CDH13: variants seen among roughly 807,000 people sequenced by gnomAD.
CDH13 encodes cadherin-13.
A neutral mutation model predicts 63.8 loss-of-function variants in CDH13; 24 were observed. The observed-to-expected ratio is 0.38, with a 90% CI of 0.27 to 0.53. CDH13 has a LOEUF of 0.53. Among genes scored for constraint, CDH13 ranks in the 20% least tolerant of loss-of-function variants. CDH13 has a pLI of 0.85. For synonymous variants in CDH13, 503 were observed against 355.3 expected (o/e 1.42, Z -4.67); for missense variants, 1,049 against 903.1 (o/e 1.16, Z -2.07).
intron 10 of CDH13, among the ~76,000 whole-genome samples, chr16:83,694,303 G>A (rs1905171151): frequency 6.6e-6 from 1 of 152,216 alleles, no homozygotes; most frequent in African/African-American, 2.4e-5. Flanking sequence ...TGCTGGAGTT[G>A]TCTCATGTCC....
intron 1 of CDH13, among the ~76,000 whole-genome samples, chr16:82,817,101 A>G (rs553467095): frequency 6.6e-6 from 1 of 152,108 alleles, no homozygotes; most frequent in Non-Finnish European, 1.5e-5. Context: ...GTTTTCCAAC[A>G]CAGAGAACCC....
At chr16:82,882,084 T>C (rs2040723551) in intron 2 of CDH13, among the ~76,000 whole-genome samples, 1 of 152,220 alleles carries the variant, frequency 6.6e-6, no homozygotes, top group Admixed American at 6.5e-5. Context: ...CTCAGTCTGA[T>C]TCACATCAGA....
intron 6 of CDH13, among the ~76,000 whole-genome samples, chr16:83,368,410 C>T (rs186655700): frequency 1.2e-4 from 19 of 152,288 alleles, no homozygotes; most frequent in African/African-American, 4.1e-4. Flanking sequence ...TGACTTAGGA[C>T]GCATTTTCCC....
At chr16:83,172,144 T>TA (rs56715851) in intron 4 of CDH13, among the ~76,000 whole-genome samples, 9,520 of 152,096 alleles carry the variant, frequency 0.063, 539 homozygotes, top group African/African-American at 0.14. Flanking sequence ...CTGATGCCTA[T>TA]AAAAAGAGAA....
At chr16:83,013,810 C>T (rs1214113340) in intron 2 of CDH13, among the ~76,000 whole-genome samples, 1 of 152,050 alleles carries the variant, frequency 6.6e-6, no homozygotes, top group Non-Finnish European at 1.5e-5. Context: ...CCGGTCTCTG[C>T]AAGAATGGAG....
chr16:83,667,406 AC>A (rs1914090574), intron 8 of CDH13, among the ~76,000 whole-genome samples: 1 of 151,870 alleles, frequency 6.6e-6, no homozygotes, highest in Non-Finnish European at 1.5e-5. Flanking sequence ...CCACCCATCC[AC>A]CCACCTACCC....
chr16:83,016,033 G>T lies in CDH13; in HGVS notation c.158-15977G>T, dbSNP rs1204512572. Among the ~76,000 whole-genome samples, 6 of 152,048 alleles carry T rather than the reference G, an allele frequency of 3.9e-5. 1 individual carries two copies. The highest frequency in any genetic ancestry group is 3.9e-4 in the Admixed American group (6 of 15,258). ...TCGAGTGGAGAAATCACAGAAAAATGAGATACCTTTAACAAGTGGCAAGGC... is the reference window on the plus strand; with the variant it reads ...TCGAGTGGAGAAATCACAGAAAAATTAGATACCTTTAACAAGTGGCAAGGC... On this transcript the variant is annotated intron_variant, in intron 2 of 13. Coordinates refer to ENST00000567109, the MANE Select transcript of CDH13 (RefSeq NM_001257.5).
intron 2 of CDH13, among the ~76,000 whole-genome samples, chr16:82,961,197 C>T (rs908845811): frequency 1.3e-5 from 2 of 152,172 alleles, no homozygotes; most frequent in Non-Finnish European, 2.9e-5. Flanking sequence ...CACTGAGGCC[C>T]AGAGATGAAG....
intron 10 of CDH13, among the ~76,000 whole-genome samples, chr16:83,697,488 G>A (rs1353561425): frequency 1.3e-5 from 2 of 152,238 alleles, no homozygotes; most frequent in African/African-American, 4.8e-5. Flanking sequence ...TCAGGCATGA[G>A]TTACAGCTCT....
chr16:82,988,185 A>C (rs75399604), intron 2 of CDH13, among the ~76,000 whole-genome samples: 3,734 of 152,268 alleles, frequency 0.025, 63 homozygotes, highest in South Asian at 0.034. Context: ...GTGTATGTGC[A>C]CATATGCATG....
rs558480984 is a variant in CDH13, at chr16:82,701,293, G to C, written c.45+74156G>C. 5.9e-5 allele frequency among the ~76,000 whole-genome samples: 9 copies of C among 152,174 alleles called. No individual in the cohort carries two copies. In the South Asian group the frequency reaches 6.2e-4, roughly 11 times the overall value. On this transcript the variant is annotated intron_variant, in intron 1 of 13. Coordinates refer to ENST00000567109, the MANE Select transcript of CDH13 (RefSeq NM_001257.5). ...GTCCTATTTTTCTTAGATGGACCACGGGGTCCTTTTGCCATGATCTCTTTT... is the reference window on the plus strand; with the variant it reads ...GTCCTATTTTTCTTAGATGGACCACCGGGTCCTTTTGCCATGATCTCTTTT...
intron 1 of CDH13, among the ~76,000 whole-genome samples, chr16:82,834,851 T>C (rs1405028944): frequency 6.6e-6 from 1 of 152,192 alleles, no homozygotes; most frequent in African/African-American, 2.4e-5. Flanking sequence ...AAAATGGTTT[T>C]TACATTTTTA....
At chr16:82,726,987 A>G (rs996945122) in intron 1 of CDH13, among the ~76,000 whole-genome samples, 4 of 152,172 alleles carry the variant, frequency 2.6e-5, no homozygotes, top group Non-Finnish European at 5.9e-5. Flanking sequence ...CCAAATTACT[A>G]CAAAACTGCT....
rs553893945 is a variant in CDH13 at position 82,679,322 on chromosome 16, C to T, written c.45+52185C>T. 1.9e-3 allele frequency among the ~76,000 whole-genome samples: 283 copies of T among 152,286 alleles called. 2 individuals carry two copies. Among genetic ancestry groups the T allele is most frequent in the Non-Finnish European group, 2.2e-3 (150 of 68,032 alleles). On this transcript the variant is annotated intron_variant, in intron 1 of 13. Transcript: ENST00000567109. The stretch of plus-strand genomic sequence containing the variant: ...ACCTGGGAAGCTGTCTGATCACATA[C>T]CTGGGAACCTGGTTGTTATATCCAT...
At chr16:82,981,707 CTTT>C (rs561026069) in intron 2 of CDH13, among the ~76,000 whole-genome samples, 10 of 152,112 alleles carry the variant, frequency 6.6e-5, no homozygotes, top group African/African-American at 2.4e-4. Context: ...CTTGCAAGTG[CTTT>C]TATGTTTCTA....
At chr16:83,386,164 A>G (rs1597890870) in intron 6 of CDH13, among the ~76,000 whole-genome samples, 1 of 152,242 alleles carries the variant, frequency 6.6e-6, no homozygotes, top group Non-Finnish European at 1.5e-5. Context: ...TGTATTTGAA[A>G]TGGTGCTGAA....
intron 4 of CDH13, among the ~76,000 whole-genome samples, chr16:83,140,633 T>C (rs957567352): frequency 6.6e-6 from 1 of 152,082 alleles, no homozygotes; most frequent in African/African-American, 2.4e-5. Context: ...TTTTGTACTT[T>C]TAGTAGAGAA....
chr16:83,177,184 T>C (rs985632796), intron 4 of CDH13, among the ~76,000 whole-genome samples: 5 of 152,202 alleles, frequency 3.3e-5, no homozygotes, highest in African/African-American at 9.6e-5. Context: ...ACAGCTGTTC[T>C]AAGAGCATAC....
At chr16:83,786,627 G>A (rs147483615) in intron 13 of CDH13, among the ~76,000 whole-genome samples, 7 of 148,950 alleles carry the variant, frequency 4.7e-5, no homozygotes, top group East Asian at 2.0e-4. Flanking sequence ...TCACTCTGTC[G>A]CCCAGGCTGA....
Sources: allele counts gnomAD v4.1 joint callset (sites outside exome capture counted in the v4.1 genomes callset), GRCh38; gene constraint gnomAD v4.1.1; transcripts MANE v1.5; gene names NCBI Gene and HGNC (gene_info 2026-07-23, HGNC 2026-07-21).